ZNF148: variants seen among roughly 807,000 people sequenced by gnomAD.
ZNF148 encodes the protein Beta-Enolase Repressor Factor-1.
ZNF148 carries 7 observed loss-of-function variants against 67.7 expected under a neutral mutation model. That is an observed-to-expected ratio of 0.10 (90% CI 0.06 to 0.19). The LOEUF (loss-of-function observed/expected upper bound fraction) is 0.19. Among genes scored for constraint, ZNF148 ranks in the 10% least tolerant of loss-of-function variants. The pLI is 1.00. For missense variants in ZNF148, 583 were observed against 947.1 expected (o/e 0.62, Z 5.05); for synonymous variants, 333 against 330.7 (o/e 1.01, Z -0.08).
intron 1 of ZNF148, among the ~76,000 whole-genome samples, chr3:125,351,066 G>T (rs1488114713): frequency 6.6e-6 from 1 of 152,032 alleles, no homozygotes; most frequent in Non-Finnish European, 1.5e-5. Context: ...TTGAGGCTGG[G>T]TGTGGTGGCC....
chr3:125,338,598 C>A (rs181368243), intron 1 of ZNF148, among the ~76,000 whole-genome samples: 1 of 129,870 alleles, frequency 7.7e-6, no homozygotes, highest in East Asian at 2.3e-4. Flanking sequence ...GGGCAAAGGT[C>A]GCAGTGAGCC....
intron 7 of ZNF148, among the ~76,000 whole-genome samples, chr3:125,267,815 GTATC>G (rs1164337875): frequency 6.6e-6 from 1 of 152,150 alleles, no homozygotes. Context: ...ATATGATTCA[GTATC>G]TAGAAAGCCC....
chr3:125,322,533 A>C (rs1940830683), intron 3 of ZNF148, among the ~76,000 whole-genome samples: 1 of 151,970 alleles, frequency 6.6e-6, no homozygotes, highest in South Asian at 2.1e-4. Context: ...ATATACACAA[A>C]CTCCTCTTAA....
chr3:125,289,921 T>C (rs927396689), intron 4 of ZNF148, among the ~76,000 whole-genome samples: 1 of 152,138 alleles, frequency 6.6e-6, no homozygotes. Flanking sequence ...TTTCCACATA[T>C]ATGGAAAGTG....
intron 4 of ZNF148, among the ~76,000 whole-genome samples, chr3:125,296,281 C>T (rs934955730): frequency 1.3e-5 from 2 of 152,102 alleles, no homozygotes; most frequent in Admixed American, 1.3e-4. Flanking sequence ...ACCACCACGC[C>T]CAGCTAATTA....
At chr3:125,370,214 G>A (rs1164130785) in intron 1 of ZNF148, among the ~76,000 whole-genome samples, 3 of 152,054 alleles carry the variant, frequency 2.0e-5, no homozygotes, top group Admixed American at 6.5e-5. Flanking sequence ...CTTCCAAGTT[G>A]TTACAGAACC....
At chr3:125,309,871 G>T (rs556871557) in intron 4 of ZNF148, among the ~76,000 whole-genome samples, 1 of 152,170 alleles carries the variant, frequency 6.6e-6, no homozygotes, top group South Asian at 2.1e-4. Context: ...TTTCAAGCTC[G>T]CACGTAACAT....
At chr3:125,319,010 C>T (rs746544245) in intron 3 of ZNF148, among the ~76,000 whole-genome samples, 1 of 152,240 alleles carries the variant, frequency 6.6e-6, no homozygotes, top group East Asian at 1.9e-4. Context: ...TCCCAACCCC[C>T]CCACACACCT....
At chr3:125,273,723 G>A (rs967785775) in intron 7 of ZNF148, among the ~76,000 whole-genome samples, 3 of 151,942 alleles carry the variant, frequency 2.0e-5, no homozygotes, top group Admixed American at 6.6e-5. Context: ...CTCGTGATCC[G>A]CCTGCCGTGG....
At chr3:125,363,803 C>CTACAGG (rs1942618524) in intron 1 of ZNF148, among the ~76,000 whole-genome samples, 1 of 152,076 alleles carries the variant, frequency 6.6e-6, no homozygotes, top group Non-Finnish European at 1.5e-5. Context: ...GCATGTGCCA[C>CTACAGG]CATGCCCCGC....
intron 7 of ZNF148, among the ~76,000 whole-genome samples, chr3:125,258,485 AACTCCTGGGCTCAT>A (rs1937199593): frequency 6.6e-6 from 1 of 150,800 alleles, no homozygotes; most frequent in Non-Finnish European, 1.5e-5. Flanking sequence ...GCTGGGCTCA[AACTCCTGGGCTCAT>A]GATATGATTC....
At chr3:125,290,356 A>G (rs963853870) in intron 4 of ZNF148, among the ~76,000 whole-genome samples, 2 of 151,942 alleles carry the variant, frequency 1.3e-5, no homozygotes, top group Admixed American at 6.6e-5. Flanking sequence ...CTCATTTTCA[A>G]TCTTTCCCTC....
rs1450255862 is a variant in ZNF148, at chr3:125,365,915, C to T, written c.-234+9187G>A. Among the ~76,000 whole-genome samples the T allele has an allele frequency of 3.9e-5, 6 of 152,266 alleles. No individual in the cohort carries two copies. In the South Asian group the frequency reaches 1.2e-3, roughly 32 times the overall value. On this transcript the variant is annotated intron_variant, in intron 1 of 8. Coordinates refer to ENST00000360647, the MANE Select transcript of ZNF148 (RefSeq NM_021964.3). ...TGCATTCCACTTCCATATTCTAATC[C>T]TACTGCTATCAAACTAATTCAAGCC...
intron 4 of ZNF148, chr3:125,292,926 A>G (rs923468611): frequency 1.1e-4 from 16 of 152,228 alleles, no homozygotes; most frequent in African/African-American, 3.9e-4. Context: ...CACCACAGAT[A>G]TGCATTATAT....
chr3:125,263,541 ACT>A (rs1937436313), intron 7 of ZNF148, among the ~76,000 whole-genome samples: 1 of 106,208 alleles, frequency 9.4e-6, no homozygotes, highest in African/African-American at 4.2e-5. Context: ...ATAGAGTAAG[ACT>A]CTGTCTCAAA....
rs368177352 is a variant in ZNF148, at chr3:125,255,097, G to A, written c.668-20768C>T. On this transcript the variant is annotated intron_variant, in intron 7 of 8. Transcript: ENST00000360647. ...CTTGGAGCATTAATTCCATTTACCC[G>A]CCTCACTATTTTTGCTATTGGTGTT... is the stretch of plus-strand genomic sequence containing the variant. Among the ~76,000 whole-genome samples, 25 of 151,764 alleles carry A rather than the reference G, an allele frequency of 1.6e-4. No homozygotes were observed. The East Asian group carries it at 3.3e-3, about 20-fold the overall frequency.
At chr3:125,301,419 AG>A (rs1164105416) in intron 4 of ZNF148, among the ~76,000 whole-genome samples, 2 of 152,232 alleles carry the variant, frequency 1.3e-5, no homozygotes, top group African/African-American at 4.8e-5. Context: ...TGACTTAGAG[AG>A]CCAAAATAAA....
chr3:125,331,159 T>G lies in ZNF148; in HGVS notation c.-154A>C. On this transcript the variant is annotated splice_region_variant and 5_prime_UTR_variant, in exon 2 of 9. Coordinates refer to ENST00000360647, the MANE Select transcript of ZNF148 (RefSeq NM_021964.3). ...TTGACTCAAAGAATGCTGAATTACC[T>G]CCATTAAATACGTTAGGCAAACGCC... is the stretch of plus-strand genomic sequence containing the variant. 2.5e-6 allele frequency: 1 copy of G among 398,504 alleles called. No individual in the cohort carries two copies. Among genetic ancestry groups the G allele is most frequent in the South Asian group, 1.3e-4 (1 of 7,848 alleles). The allele number at this position is 398,504 out of a possible 1,614,324, so 24.7% of individuals were successfully genotyped here.
rs35313913 is a variant in ZNF148 at position 125,261,825 on chromosome 3, G to GCTTTTTT, written c.667+15900_667+15901insAAAAAAG. Among the ~76,000 whole-genome samples the GCTTTTTT allele has an allele frequency of 6.5e-5, 9 of 138,942 alleles. 1 individual carries two copies. Among genetic ancestry groups the GCTTTTTT allele is most frequent in the African/African-American group, 1.1e-4 (4 of 37,988 alleles). 91.2% of individuals were successfully genotyped at this position (138,942 alleles called of 152,430 possible). On this transcript the variant is annotated intron_variant, in intron 7 of 8. Transcript: ENST00000360647. ...AAAATAACCTGACAGGGGTTGACAA[G>GCTTTTTT]TTTTTTTTTTTTTTTTTTTAACACA...
Sources: allele counts gnomAD v4.1 joint callset (sites outside exome capture counted in the v4.1 genomes callset), GRCh38; gene constraint gnomAD v4.1.1; transcripts MANE v1.5; gene names NCBI Gene and HGNC (gene_info 2026-07-23, HGNC 2026-07-21).